TRAPPC10: variants seen among roughly 807,000 people sequenced by gnomAD.
TRAPPC10 encodes the protein trafficking protein particle complex subunit 10, also known as TRAPP 130 kDa subunit.
Under a neutral mutation model 125.5 loss-of-function variants are expected in TRAPPC10, and 23 were observed. That is an observed-to-expected ratio of 0.18 (90% confidence interval 0.13 to 0.26). The LOEUF (loss-of-function observed/expected upper bound fraction) is 0.26, where lower values mean the gene tolerates loss of function less well. Ranked by LOEUF, TRAPPC10 falls within the 10% of genes least tolerant of loss-of-function variation. The pLI is 1.00. For synonymous variants in TRAPPC10, 509 were observed against 518.0 expected, an observed-to-expected ratio of 0.98 and a Z score of 0.24; for missense variants, 1,123 against 1,308.4, an observed-to-expected ratio of 0.86 and a Z score of 2.19.
intron 1 of TRAPPC10, among the ~76,000 whole-genome samples, chr21:44,020,865 G>A (rs1233025708): frequency 1.3e-5 from 2 of 152,112 alleles, no homozygotes. Context: ...TGCTGTGACT[G>A]GCCATGATCA....
Position 44,086,976 on chromosome 21 carries a change from C to T in TRAPPC10, c.2539+16C>T, listed in dbSNP as rs1338181859. ...AACACGAGAGGTGAGGTGCCGCCCA[C>T]CCAGGCCCAAGGAGGATGCCCACCT... On this transcript the variant is annotated intron_variant, in intron 16 of 22. Coordinates refer to ENST00000291574, the MANE Select transcript of TRAPPC10 (RefSeq NM_003274.5). 1 of 1,613,082 alleles carries T rather than the reference C, an allele frequency of 6.2e-7. No homozygotes were observed. The highest frequency in any genetic ancestry group is 1.1e-5 in the South Asian group (1 of 91,002).
intron 5 of TRAPPC10, 28 bp downstream of exon 5, chr21:44,055,921 G>A (rs1476607697): frequency 6.6e-7 from 1 of 1,511,280 alleles, no homozygotes; most frequent in South Asian, 1.3e-5. Context: ...GAACTAGACA[G>A]TTCCTTCTCT....
chr21:44,028,665 TGATA>T (rs2033290678), intron 1 of TRAPPC10, among the ~76,000 whole-genome samples: 1 of 152,222 alleles, frequency 6.6e-6, no homozygotes, highest in Non-Finnish European at 1.5e-5. Flanking sequence ...TAAATTATTT[TGATA>T]GATCTCCTCT....
At position 44,077,159 on chromosome 21, in the gene TRAPPC10, T is replaced by C. The variant is rs147527881; in HGVS notation, c.1377+531T>C. On this transcript the variant is annotated intron_variant, in intron 10 of 22. Coordinates refer to ENST00000291574, the MANE Select transcript of TRAPPC10 (RefSeq NM_003274.5). Reference sequence around the variant, plus strand: ...GCAGAAAGTCCTTGGAAAAGTTAGATGTTTTGGATGAGTTTGTGGGTTTCT... The same window carrying C: ...GCAGAAAGTCCTTGGAAAAGTTAGACGTTTTGGATGAGTTTGTGGGTTTCT... Among the ~76,000 whole-genome samples the C allele has an allele frequency of 2.5e-3, 382 of 152,310 alleles. 3 individuals carry two copies. The highest frequency in any genetic ancestry group is 1.3e-3 in the Non-Finnish European group (91 of 68,028).
At position 44,059,214 on chromosome 21, in the gene TRAPPC10, G is replaced by A. The variant is rs2035852127; in HGVS notation, c.790G>A (p.Asp264Asn). The change falls in exon 6 of 23, where the codon GAT becomes AAT. Residue 264 changes from aspartate (D) to asparagine (N), a missense_variant and splice_region_variant. Physicochemically the swap from Asp to Asn is conservative, Grantham distance 23 (BLOSUM62 1). Transcript: ENST00000291574. This position sits in a 1 kb window ranked among gnomAD's most constrained non-coding sequence, Gnocchi z 4.4. ...GTATGTGGTCAACTTCGGGGCCGGG[G>A]GTGAGTAGTGGCACTTCAGTAACGC... ...SQYVVNFGAG[D>N]GANWLTFFCQ... 2 of 1,597,354 alleles carry A rather than the reference G, an allele frequency of 1.3e-6. No individual in the cohort carries two copies. The highest frequency in any genetic ancestry group is 8.5e-7 in the Non-Finnish European group (1 of 1,172,732).
At chr21:44,035,905 A>G (rs1385808755) in intron 2 of TRAPPC10, among the ~76,000 whole-genome samples, 1 of 152,240 alleles carries the variant, frequency 6.6e-6, no homozygotes, top group Non-Finnish European at 1.5e-5. Flanking sequence ...AAACAGCTGT[A>G]TAGCTGAAAA....
At chr21:44,022,387 G>A (rs1234366070) in intron 1 of TRAPPC10, among the ~76,000 whole-genome samples, 15 of 146,792 alleles carry the variant, frequency 1.0e-4, no homozygotes, top group Non-Finnish European at 1.9e-4. Flanking sequence ...AGGTTCAAGC[G>A]ATTCTCCTGC....
Position 44,055,720 on chromosome 21 carries a change from T to C in TRAPPC10, c.505T>C (p.Leu169=). Residue 169 remains leucine, a synonymous_variant, in exon 5 of 23, where the codon TTG becomes CTG. Transcript: ENST00000291574. ...SDRCVVLSDP[L]KDSSRTQESW... Reference sequence around the variant, plus strand: ...CAGGTGTGTTGTGCTCTCCGACCCCTTGAAGGACTCTTCTCGAACTCAGGA... The same window carrying C: ...CAGGTGTGTTGTGCTCTCCGACCCCCTGAAGGACTCTTCTCGAACTCAGGA... 1 of 1,610,720 alleles carries C rather than the reference T, an allele frequency of 6.2e-7. No individual in the cohort carries two copies.
In TRAPPC10 at chr21:44,083,375, G is replaced by T. The variant is rs1459218241; in HGVS notation, c.2238+73G>T. On this transcript the variant is annotated intron_variant, in intron 14 of 22. Transcript: ENST00000291574. ...CCGTGGAGCTTACAAGAACTGTCTG[G>T]AGTGTGCTGTGAATTGAGTAGAGTC... The T allele has an allele frequency of 3.3e-6, 5 of 1,526,178 alleles. No individual in the cohort carries two copies. The Admixed American group carries it at 9.7e-5, about 30-fold the overall frequency. The allele number at this position is 1,526,178 out of a possible 1,614,324, so 94.5% of individuals were successfully genotyped here.
intron 1 of TRAPPC10, among the ~76,000 whole-genome samples, chr21:44,012,766 C>T (rs1279758985): frequency 3.9e-5 from 6 of 151,934 alleles, no homozygotes; most frequent in Admixed American, 2.0e-4. Context: ...GACCTCTGAC[C>T]CCTGGGGGGC....
chr21:44,015,086 T>C (rs1188191104), intron 1 of TRAPPC10, among the ~76,000 whole-genome samples: 2 of 152,256 alleles, frequency 1.3e-5, no homozygotes, highest in Non-Finnish European at 2.9e-5. Context: ...TTTAATATTA[T>C]GTACATAGTT....
chr21:44,065,486 G>A (rs2036377518), intron 7 of TRAPPC10, among the ~76,000 whole-genome samples: 1 of 152,196 alleles, frequency 6.6e-6, no homozygotes, highest in African/African-American at 2.4e-5. Context: ...CATAGCTATT[G>A]CACCTCTTTG....
Position 44,074,438 on chromosome 21 carries a change from A to G in TRAPPC10, c.1153A>G (p.Thr385Ala). 1 of 1,614,210 alleles carries G rather than the reference A, an allele frequency of 6.2e-7. No individual in the cohort carries two copies. The highest frequency in any genetic ancestry group is 8.5e-7 in the Non-Finnish European group (1 of 1,180,042). Residue 385 changes from threonine to alanine, a missense_variant, in exon 8 of 23, where the codon ACT becomes GCT. Coordinates refer to ENST00000291574, the MANE Select transcript of TRAPPC10 (RefSeq NM_003274.5). ...ACAGATCGACTCAAACATTGCCCAC[A>G]CTGTGGGGCTATGGAGCTATGCCAC... ...RAQIDSNIAH[T>A]VGLWSYATEK...
chr21:44,084,894 T>A (rs1328498325), intron 15 of TRAPPC10, among the ~76,000 whole-genome samples: 1 of 152,146 alleles, frequency 6.6e-6, no homozygotes, highest in African/African-American at 2.4e-5. Context: ...GGGATATAGA[T>A]GAAGAAGTGT....
intron 9 of TRAPPC10, among the ~76,000 whole-genome samples, 153 bp downstream of exon 9, chr21:44,075,306 C>T: frequency 6.6e-6 from 1 of 152,142 alleles, no homozygotes; most frequent in East Asian, 1.9e-4. Context: ...GATTAAAGCA[C>T]ATGATAGTTT....
chr21:44,076,047 CAAAA>C (rs58237566), intron 9 of TRAPPC10, among the ~76,000 whole-genome samples: 2 of 137,272 alleles, frequency 1.5e-5, no homozygotes, highest in African/African-American at 5.0e-5. Flanking sequence ...AAAACTCTGT[CAAAA>C]AAAAAAAAAA....
At position 44,067,418 on chromosome 21, in the gene TRAPPC10, G is replaced by A. The variant is rs1256335732; in HGVS notation, c.1038+3633G>A. Among the ~76,000 whole-genome samples, 9 of 152,090 alleles carry A rather than the reference G, an allele frequency of 5.9e-5. 1 individual carries two copies. The highest frequency in any genetic ancestry group is 5.9e-4 in the Admixed American group (9 of 15,276). On this transcript the variant is annotated intron_variant, in intron 7 of 22. Transcript: ENST00000291574. The stretch of plus-strand genomic sequence containing the variant: ...TGGGTGGGTGCTCTCATGTGTAGGT[G>A]GAGGATCTTGTGCACCCATGAGCCA...
intron 4 of TRAPPC10, 29 bp from the exon 5 acceptor site, chr21:44,055,669 T>G (rs1484120417): frequency 3.8e-6 from 6 of 1,559,856 alleles, no homozygotes; most frequent in Non-Finnish European, 5.3e-6. Context: ...GGAGGGTCTT[T>G]CCCAGATAGT....
chr21:44,046,795 A>G, intron 3 of TRAPPC10: 1 of 526,596 alleles, frequency 1.9e-6, no homozygotes, highest in South Asian at 2.0e-5. Flanking sequence ...GGCATAAGCC[A>G]CCGCACCCGG....
Sources: allele counts gnomAD v4.1 joint callset (sites outside exome capture counted in the v4.1 genomes callset), GRCh38; gene constraint gnomAD v4.1.1; non-coding constraint Gnocchi (gnomAD v3.1); transcripts MANE v1.5; gene names NCBI Gene and HGNC (gene_info 2026-07-23, HGNC 2026-07-21).